The following GRM5 variants were observed in gnomAD, a reference collection of about 807,000 sequenced individuals.
GRM5 encodes the protein metabotropic glutamate receptor 5.
A neutral mutation model predicts 83.1 loss-of-function variants in GRM5; 19 were observed. The observed-to-expected ratio is 0.23, with a 90% confidence interval of 0.16 to 0.34. GRM5 has a LOEUF of 0.34. Among genes scored for constraint, GRM5 ranks in the 10% least tolerant of loss-of-function variants. The pLI is 1.00. For missense variants in GRM5, 1,160 were observed against 1,588.3 expected (o/e 0.73, Z 4.58); for synonymous variants, 675 against 633.6 (o/e 1.07, Z -0.98).
intron 8 of GRM5, among the ~76,000 whole-genome samples, chr11:88,552,317 G>A (rs867748074): frequency 1.3e-4 from 20 of 152,076 alleles, no homozygotes; most frequent in African/African-American, 4.6e-4. Context: ...ATAAGCCATC[G>A]TGGCTGGACT....
intron 3 of GRM5, among the ~76,000 whole-genome samples, chr11:88,751,783 A>G (rs1319499392): frequency 6.6e-6 from 1 of 152,216 alleles, no homozygotes; most frequent in African/African-American, 2.4e-5. Context: ...CTCAGGATGC[A>G]AGGTTGTTTC....
At position 88,593,762 on chromosome 11, in the gene GRM5, T is replaced by TTCTC. The variant is rs113152007; in HGVS notation, c.1564-3039_1564-3036dup. On this transcript the variant is annotated intron_variant, in intron 6 of 9. Coordinates refer to ENST00000305447, the MANE Select transcript of GRM5 (RefSeq NM_001143831.3). Reference sequence around the variant, plus strand: ...CCTCCCTCCTTCGCTCCCTCCCTCCTTCTCTCTCTCTCTCTCTCTCTCTTT... The same window carrying TTCTC: ...CCTCCCTCCTTCGCTCCCTCCCTCCTTCTCTCTCTCTCTCTCTCTCTCTCTCTTT... 9.8e-3 allele frequency among the ~76,000 whole-genome samples: 883 copies of TTCTC among 90,038 alleles called. 12 individuals are homozygous for TTCTC. Among genetic ancestry groups the TTCTC allele is most frequent in the Middle Eastern group, 0.025 (5 of 198 alleles). 59.1% of individuals were successfully genotyped at this position (90,038 alleles called of 152,430 possible). A position where few individuals can be genotyped will look rare whatever the true frequency, so the allele number is the denominator to read the frequency against.
chr11:88,712,100 T>C (rs1462689071), intron 3 of GRM5, among the ~76,000 whole-genome samples: 2 of 152,068 alleles, frequency 1.3e-5, no homozygotes, highest in African/African-American at 2.4e-5. Context: ...GAGGAGAACT[T>C]TCCTTGCAAG....
chr11:88,639,973 A>C (rs1038311119), intron 4 of GRM5, among the ~76,000 whole-genome samples: 16 of 152,196 alleles, frequency 1.1e-4, no homozygotes, highest in Non-Finnish European at 2.9e-5. Flanking sequence ...GTGGATAATT[A>C]CAATCATTTC....
At chr11:88,755,015 C>T (rs368062314) in intron 3 of GRM5, among the ~76,000 whole-genome samples, 9 of 152,218 alleles carry the variant, frequency 5.9e-5, no homozygotes, top group African/African-American at 2.2e-4. Context: ...TATATAGTCC[C>T]CACTTTCTCT....
At position 88,514,889 on chromosome 11, in the gene GRM5, C is replaced by CATGA. The variant is rs374963387; in HGVS notation, c.2727-5386_2727-5385insTCAT. Among the ~76,000 whole-genome samples the CATGA allele has an allele frequency of 7.0e-3, 1,069 of 152,250 alleles. 14 individuals are homozygous for CATGA. The highest frequency in any genetic ancestry group is 0.024 in the African/African-American group (1,012 of 41,546). On this transcript the variant is annotated intron_variant, in intron 9 of 9. Coordinates refer to ENST00000305447, the MANE Select transcript of GRM5 (RefSeq NM_001143831.3). The stretch of plus-strand genomic sequence containing the variant: ...GAAACTAATTCTACATGTCTAATCC[C>CATGA]AACTCCTCCAACAGCCCTAAGTGAC...
At chr11:88,795,615 T>C (rs1275788081) in intron 3 of GRM5, among the ~76,000 whole-genome samples, 2 of 152,208 alleles carry the variant, frequency 1.3e-5, no homozygotes, top group African/African-American at 4.8e-5. Flanking sequence ...GCTTCTGTGA[T>C]GAGTGTTCAA....
chr11:89,030,000 T>C (rs1028226121), intron 2 of GRM5, among the ~76,000 whole-genome samples: 2 of 152,148 alleles, frequency 1.3e-5, no homozygotes, highest in African/African-American at 4.8e-5. Context: ...TTTTTCCTTC[T>C]TTCTGGGAGA....
At chr11:88,616,389 GTTTTTTT>G (rs68153026) in intron 4 of GRM5, among the ~76,000 whole-genome samples, 3,506 of 95,808 alleles carry the variant, frequency 0.037, 163 homozygotes, top group African/African-American at 0.12. Context: ...GCTTTGGAGT[GTTTTTTT>G]TTTTTTTTTT....
chr11:88,626,244 T>C (rs1021847621), intron 4 of GRM5, among the ~76,000 whole-genome samples: 5 of 152,232 alleles, frequency 3.3e-5, no homozygotes, highest in Non-Finnish European at 5.9e-5. Flanking sequence ...ATAGTATAGA[T>C]AAGAGGTTTT....
chr11:89,048,444 A>G (rs1037877727), intron 1 of GRM5, among the ~76,000 whole-genome samples: 2 of 152,212 alleles, frequency 1.3e-5, no homozygotes, highest in African/African-American at 4.8e-5. Flanking sequence ...AATATTAAAC[A>G]TTGGTGATCT....
At chr11:88,649,268 TTATATATTA>T (rs1004305527) in intron 4 of GRM5, among the ~76,000 whole-genome samples, 1 of 38,542 alleles carries the variant, frequency 2.6e-5, no homozygotes, top group Admixed American at 2.4e-4. Flanking sequence ...TACATATATA[TTATATATTA>T]TATATATGTA....
intron 6 of GRM5, among the ~76,000 whole-genome samples, chr11:88,591,283 A>G (rs749635199): frequency 3.9e-5 from 6 of 152,226 alleles, no homozygotes; most frequent in Non-Finnish European, 7.4e-5. Context: ...ATCTCTTTCT[A>G]CGAAAAATCT....
At chr11:88,665,783 T>TA (rs34576670) in intron 3 of GRM5, among the ~76,000 whole-genome samples, 1,234 of 24,666 alleles carry the variant, frequency 0.05, 10 homozygotes, top group South Asian at 0.38. Context: ...AGGCTGAATA[T>TA]TTTTTTTTTA....
chr11:88,806,701 C>A (rs1195959044), intron 3 of GRM5, among the ~76,000 whole-genome samples: 1 of 152,136 alleles, frequency 6.6e-6, no homozygotes, highest in Admixed American at 6.6e-5. Flanking sequence ...ATCTCTGGTG[C>A]TTTTTATTCC....
At chr11:88,645,126 A>G (rs935418856) in intron 4 of GRM5, among the ~76,000 whole-genome samples, 5 of 152,124 alleles carry the variant, frequency 3.3e-5, no homozygotes, top group Admixed American at 3.3e-4. Context: ...GTACTTTTAC[A>G]TTGCTCTGAA....
intron 3 of GRM5, among the ~76,000 whole-genome samples, chr11:88,828,237 T>C (rs1943926831): frequency 6.6e-6 from 1 of 152,174 alleles, no homozygotes; most frequent in South Asian, 2.1e-4. Context: ...TGGGTTTTAC[T>C]GTAAATAAAT....
intron 2 of GRM5, among the ~76,000 whole-genome samples, chr11:88,928,475 T>G (rs1274836267): frequency 8.3e-5 from 1 of 12,018 alleles, no homozygotes; most frequent in African/African-American, 1.4e-4. Flanking sequence ...TATATATATA[T>G]ATATATATGT....
At chr11:88,946,761 C>A (rs997649388) in intron 2 of GRM5, among the ~76,000 whole-genome samples, 1 of 152,032 alleles carries the variant, frequency 6.6e-6, no homozygotes, top group Admixed American at 6.6e-5. Flanking sequence ...GACCAAATTA[C>A]GTTTTGCGTT....
Sources: allele counts gnomAD v4.1 joint callset (sites outside exome capture counted in the v4.1 genomes callset), GRCh38; gene constraint gnomAD v4.1.1; transcripts MANE v1.5; gene names NCBI Gene and HGNC (gene_info 2026-07-23, HGNC 2026-07-21).